The following SYNE2 variants were observed in gnomAD, a reference collection of about 807,000 sequenced individuals.
The protein encoded by SYNE2 is nesprin-2.
Under a neutral mutation model 856.3 loss-of-function variants are expected in SYNE2, and 431 were observed. The observed-to-expected ratio is 0.50, with a 90% confidence interval of 0.47 to 0.55. The LOEUF is 0.55. Ranked by LOEUF, SYNE2 falls within the 20% of genes least tolerant of loss-of-function variation. The pLI, the probability that SYNE2 is intolerant of heterozygous loss-of-function variation, is 0.00. For missense variants in SYNE2, 8,129 were observed against 8,023.2 expected, an observed-to-expected ratio of 1.01 and a Z score of -0.50; for synonymous variants, 2,923 against 2,872.3, an observed-to-expected ratio of 1.02 and a Z score of -0.56.
At position 64,052,916 on chromosome 14, in the gene SYNE2, TAAA is replaced by T; in HGVS notation, c.9007_9009del (p.Lys3003del). ...GTTGCATCTTACAGGTATTGAAACTTAAAAAAGTGTTTGACTATATTGGACTAA... is the reference window on the plus strand; with the variant it reads ...GTTGCATCTTACAGGTATTGAAACTTAAAGTGTTTGACTATATTGGACTAA... On this transcript the variant is annotated inframe_deletion, in exon 48 of 116. Transcript: ENST00000555002. The T allele has an allele frequency of 6.2e-7, 1 of 1,612,624 alleles. No individual in the cohort carries two copies. The highest frequency in any genetic ancestry group is 8.5e-7 in the Non-Finnish European group (1 of 1,179,632).
At chr14:64,178,581 C>T (rs894249025) in intron 96 of SYNE2, among the ~76,000 whole-genome samples, 1 of 152,158 alleles carries the variant, frequency 6.6e-6, no homozygotes, top group Non-Finnish European at 1.5e-5. Context: ...CCTCAGCCCC[C>T]CCGAGTAGCC....
intron 83 of SYNE2, 75 bp downstream of exon 83, chr14:64,144,023 G>A (rs769955353): frequency 2.1e-5 from 32 of 1,541,294 alleles, no homozygotes; most frequent in Non-Finnish European, 2.7e-5. Context: ...CAAAAAAGAC[G>A]TTCAATTAGT....
intron 98 of SYNE2, chr14:64,189,070 A>C: frequency 1.5e-6 from 1 of 685,498 alleles, no homozygotes. Context: ...GTGGTGGCTC[A>C]TTGCTGTAAT....
intron 1 of SYNE2, among the ~76,000 whole-genome samples, chr14:63,902,804 G>A (rs915399242): frequency 1.3e-5 from 2 of 151,904 alleles, no homozygotes; most frequent in Non-Finnish European, 2.9e-5. Flanking sequence ...AGTGAGGTGG[G>A]AACCTCAGCC....
At chr14:64,193,251 T>C (rs1370404354) in intron 99 of SYNE2, among the ~76,000 whole-genome samples, 1 of 152,208 alleles carries the variant, frequency 6.6e-6, no homozygotes, top group African/African-American at 2.4e-5. Context: ...ACAGCAGCTC[T>C]TGTTAAAAAT....
intron 1 of SYNE2, among the ~76,000 whole-genome samples, chr14:63,809,419 A>G (rs1888523794): frequency 6.6e-6 from 1 of 152,204 alleles, no homozygotes; most frequent in Non-Finnish European, 1.5e-5. Flanking sequence ...TCTTTTGGTT[A>G]AATAGATAAC....
Position 63,993,901 on chromosome 14 carries a change from A to G in SYNE2, c.2713A>G (p.Asn905Asp). 1 of 1,613,424 alleles carries G rather than the reference A, an allele frequency of 6.2e-7. No individual in the cohort carries two copies. The highest frequency in any genetic ancestry group is 1.1e-5 in the South Asian group (1 of 90,940). The change falls in exon 22 of 116, where the codon AAT (asparagine) becomes GAT (aspartate). Residue 905 changes from asparagine (N) to aspartate (D), a missense_variant. Physicochemically the swap from Asn to Asp is conservative, Grantham distance 23 (BLOSUM62 1). Transcript: ENST00000555002. ...KYLKAVEELK[N>D]NVTEDIKMSL... ...TTTGAAAGCTGTTGAAGAACTAAAA[A>G]ATAATGTAACTGAGGACATAAAGAT...
rs369298370 is a variant in SYNE2, at chr14:64,076,066, A to T, written c.10988A>T (p.Glu3663Val). The change falls in exon 54 of 116, where the codon GAA becomes GTA. Residue 3663 changes from glutamate (E) to valine (V), a missense_variant. Physicochemically the swap from Glu to Val is moderately radical, Grantham distance 121 (BLOSUM62 -2). Transcript: ENST00000555002. ...VPAEIESQVEECRKALEDIDE... is the reference protein window; with the variant it reads ...VPAEIESQVEVCRKALEDIDE... The stretch of plus-strand genomic sequence containing the variant: ...GCAGAGATTGAATCCCAGGTGGAAG[A>T]ATGCAGAAAAGCTTTAGAAGACATA... 6.2e-7 allele frequency: 1 copy of T among 1,613,912 alleles called. No individual in the cohort carries two copies. The highest frequency in any genetic ancestry group is 1.1e-5 in the South Asian group (1 of 91,076).
intron 99 of SYNE2, among the ~76,000 whole-genome samples, chr14:64,202,503 A>G (rs1394439679): frequency 6.6e-6 from 1 of 152,214 alleles, no homozygotes; most frequent in East Asian, 1.9e-4. Context: ...AGGAAGATGA[A>G]CTGGGTCTCA....
At chr14:63,820,071 T>G (rs1180734250) in intron 1 of SYNE2, among the ~76,000 whole-genome samples, 4 of 151,998 alleles carry the variant, frequency 2.6e-5, no homozygotes, top group South Asian at 2.1e-4. Flanking sequence ...AGACCATAAC[T>G]AAATAACTGA....
chr14:63,998,768 G>T (rs2096732222), intron 26 of SYNE2, 146 bp from the exon 27 acceptor site: 27 of 780,836 alleles, frequency 3.5e-5, no homozygotes, highest in Middle Eastern at 6.9e-4. Context: ...TCGCCATGTT[G>T]GCCAGGCTGG....
intron 1 of SYNE2, among the ~76,000 whole-genome samples, chr14:63,769,702 G>C (rs1401902058): frequency 8.4e-6 from 1 of 118,968 alleles, no homozygotes; most frequent in East Asian, 2.4e-4. Flanking sequence ...TGGGCAACAA[G>C]GTGAAACCCT....
At chr14:64,017,905 T>TG (rs1209132994) in intron 34 of SYNE2, 149 bp downstream of exon 34, 1 of 775,610 alleles carries the variant, frequency 1.3e-6, no homozygotes, top group Admixed American at 2.2e-5. Flanking sequence ...ATTCAGTTGT[T>TG]GAATCTATTA....
At chr14:64,017,927 A>G (rs1269425775) in intron 34 of SYNE2, among the ~76,000 whole-genome samples, 171 bp downstream of exon 34, 1 of 152,192 alleles carries the variant, frequency 6.6e-6, no homozygotes, top group Admixed American at 6.5e-5. Context: ...CCTTACCAAT[A>G]CTTTGAAAGT....
rs140676296 is a variant in SYNE2 at position 63,951,887 on chromosome 14, C to T, written c.590+1881C>T. ...AGTTTATCTTTTCTTCACGTCTCCC[C>T]ATCTTTCTTAGTTTTCAACTGTAGA... On this transcript the variant is annotated intron_variant, in intron 7 of 115. Transcript: ENST00000555002. Among the ~76,000 whole-genome samples, 262 of 152,300 alleles carry T rather than the reference C, an allele frequency of 1.7e-3. 1 individual carries two copies. Among genetic ancestry groups the T allele is most frequent in the African/African-American group, 6.0e-3 (249 of 41,564 alleles).
intron 1 of SYNE2, among the ~76,000 whole-genome samples, chr14:63,867,688 A>G (rs1895764506): frequency 6.6e-6 from 1 of 152,008 alleles, no homozygotes; most frequent in African/African-American, 2.4e-5. Flanking sequence ...ACAGAGCGAG[A>G]CTCTGTCTCA....
At position 64,221,602 on chromosome 14, in the gene SYNE2, G is replaced by C; in HGVS notation, c.20088G>C (p.Leu6696=). The C allele has an allele frequency of 6.2e-7, 1 of 1,614,172 alleles. No individual in the cohort carries two copies. Residue 6696 remains leucine (L), a synonymous_variant, in exon 112 of 116, where the codon CTG becomes CTC. Coordinates refer to ENST00000555002, the MANE Select transcript of SYNE2 (RefSeq NM_182914.3). Reference sequence around the variant, plus strand: ...ACTTCCACCAGTTGAGTCAAAATCTGCTGCTGTGGTTAGCGAGTGCCAAGA... The same window carrying C: ...ACTTCCACCAGTTGAGTCAAAATCTCCTGCTGTGGTTAGCGAGTGCCAAGA... ...CQDFHQLSQN[L]LLWLASAKNR...
At chr14:63,935,400 A>C (rs1301643301) in intron 2 of SYNE2, among the ~76,000 whole-genome samples, 1 of 152,182 alleles carries the variant, frequency 6.6e-6, no homozygotes. Flanking sequence ...CAGTTGCAAT[A>C]TTTACTAGGC....
At chr14:63,887,749 CTTTTTTTTTT>C (rs11450102) in intron 1 of SYNE2, among the ~76,000 whole-genome samples, 8 of 108,276 alleles carry the variant, frequency 7.4e-5, no homozygotes, top group African/African-American at 3.2e-4. Context: ...GTGAGTCCTG[CTTTTTTTTTT>C]TTTTTTTTTT....
Sources: allele counts gnomAD v4.1 joint callset (sites outside exome capture counted in the v4.1 genomes callset), GRCh38; gene constraint gnomAD v4.1.1; transcripts MANE v1.5; gene names NCBI Gene and HGNC (gene_info 2026-07-23, HGNC 2026-07-21).